Variants in AVEN observed in about 807,000 individuals in gnomAD.
AVEN encodes the protein cell death regulator Aven.
In AVEN, 41 loss-of-function variants were observed where a neutral mutation model predicts 38.1. That is an observed-to-expected ratio of 1.08 (90% CI 0.84 to 1.40). AVEN has a LOEUF of 1.40. AVEN is among the 40% of genes most tolerant of loss of function. The pLI, the probability that AVEN is intolerant of heterozygous loss-of-function variation, is 0.00. For missense variants in AVEN, 605 were observed against 438.8 expected, an observed-to-expected ratio of 1.38 and a Z score of -3.38; for synonymous variants, 206 against 171.8, an observed-to-expected ratio of 1.20 and a Z score of -1.56.
intron 2 of AVEN, among the ~76,000 whole-genome samples, chr15:33,923,328 A>G (rs1195449423): frequency 6.6e-6 from 1 of 152,246 alleles, no homozygotes; most frequent in East Asian, 1.9e-4. Flanking sequence ...TAATAATCAT[A>G]TGTAACCTTA....
In AVEN at chr15:33,904,714, T is replaced by TACACACAC. The variant is rs201939919; in HGVS notation, c.446-28720_446-28719insGTGTGTGT. On this transcript the variant is annotated intron_variant, in intron 2 of 5. Coordinates refer to ENST00000306730, the MANE Select transcript of AVEN (RefSeq NM_020371.3). ...AAAAAAATATATATATATATATATA[T>TACACACAC]ATACACACACACACGAATATGCACG... Among the ~76,000 whole-genome samples the TACACACAC allele has an allele frequency of 6.0e-3, 850 of 142,686 alleles. 45 individuals are homozygous for TACACACAC. The East Asian group carries it at 0.14, about 23-fold the overall frequency. The allele number at this position is 142,686 out of a possible 152,430, so 93.6% of individuals were successfully genotyped here.
intron 2 of AVEN, among the ~76,000 whole-genome samples, chr15:33,911,011 G>A (rs1338799622): frequency 6.6e-6 from 1 of 152,156 alleles, no homozygotes; most frequent in Non-Finnish European, 1.5e-5. Context: ...TCAACATTGG[G>A]TTGGGAGAGA....
At chr15:34,010,869 A>T (rs1308014342) in intron 1 of AVEN, among the ~76,000 whole-genome samples, 1 of 152,210 alleles carries the variant, frequency 6.6e-6, no homozygotes, top group Non-Finnish European at 1.5e-5. Context: ...CAACTTTTAT[A>T]TTTGTAAACC....
intron 5 of AVEN, among the ~76,000 whole-genome samples, chr15:34,049,472 T>C (rs1899849872): frequency 6.6e-6 from 1 of 152,180 alleles, no homozygotes; most frequent in Non-Finnish European, 1.5e-5. Context: ...GAAGACTATT[T>C]TTCTGAAATA....
chr15:33,855,977 G>A (rs1368216064), downstream of AVEN: 1 of 152,150 alleles, frequency 6.6e-6, no homozygotes, highest in Non-Finnish European at 1.5e-5. Context: ...TACGGGAGAG[G>A]GAGAAAAGAC....
intron 3 of AVEN, among the ~76,000 whole-genome samples, chr15:33,874,074 A>G (rs1777056050): frequency 6.6e-6 from 1 of 152,262 alleles, no homozygotes; most frequent in Non-Finnish European, 1.5e-5. Flanking sequence ...CTGAAGTTAG[A>G]TCTAACCATT....
intron 1 of AVEN, among the ~76,000 whole-genome samples, chr15:34,006,610 G>A (rs1037769589): frequency 2.6e-5 from 4 of 152,158 alleles, no homozygotes; most frequent in African/African-American, 9.7e-5. Context: ...ATGGAAAGTG[G>A]GAGACCTAAA....
At chr15:33,919,427 G>A (rs1661632355) in intron 2 of AVEN, among the ~76,000 whole-genome samples, 1 of 152,068 alleles carries the variant, frequency 6.6e-6, no homozygotes, top group Non-Finnish European at 1.5e-5. Flanking sequence ...ATGCAACTTT[G>A]GTGTATATCA....
chr15:34,007,520 A>T (rs966127616), intron 1 of AVEN, among the ~76,000 whole-genome samples: 8 of 152,152 alleles, frequency 5.3e-5, no homozygotes, highest in African/African-American at 1.9e-4. Flanking sequence ...GTCGCCTTTA[A>T]TGTCCATATT....
At chr15:33,925,083 T>C (rs1419782700) in intron 2 of AVEN, among the ~76,000 whole-genome samples, 1 of 152,238 alleles carries the variant, frequency 6.6e-6, no homozygotes, top group African/African-American at 2.4e-5. Flanking sequence ...TCATTCTTTA[T>C]TAAACTCTGT....
intron 2 of AVEN, among the ~76,000 whole-genome samples, chr15:33,981,644 G>T (rs944230235): frequency 2.0e-5 from 3 of 152,098 alleles, no homozygotes; most frequent in Non-Finnish European, 4.4e-5. Flanking sequence ...ATGGGTTTTG[G>T]AATCAGATTG....
downstream of AVEN, chr15:33,864,079 C>T (rs115145053): frequency 9.3e-5 from 118 of 1,275,392 alleles, no homozygotes; most frequent in African/African-American, 9.1e-4. Flanking sequence ...ACAGTTAATC[C>T]ATGCGAATGA....
chr15:34,013,866 T>C (rs1287902440), intron 1 of AVEN, among the ~76,000 whole-genome samples: 1 of 152,140 alleles, frequency 6.6e-6, no homozygotes, highest in Admixed American at 6.5e-5. Context: ...AGTTCTGCTC[T>C]AGATGTAGAC....
intron 2 of AVEN, among the ~76,000 whole-genome samples, chr15:33,899,848 G>T (rs113135602): frequency 1.3e-3 from 201 of 151,962 alleles, no homozygotes; most frequent in African/African-American, 4.6e-3. Flanking sequence ...ATTCTCTTAG[G>T]TAATTCTTCC....
intron 2 of AVEN, among the ~76,000 whole-genome samples, chr15:33,984,850 T>C (rs1896355068): frequency 6.6e-6 from 1 of 152,038 alleles, no homozygotes; most frequent in Non-Finnish European, 1.5e-5. Context: ...CAAATAACAG[T>C]TCATTCACTC....
intron 1 of AVEN, among the ~76,000 whole-genome samples, chr15:34,029,840 A>C (rs772741732): frequency 1.1e-3 from 167 of 152,344 alleles, no homozygotes; most frequent in Non-Finnish European, 1.5e-3. Context: ...AATATTGAAC[A>C]GAGACACTCT....
chr15:33,993,187 T>C (rs1400088520), intron 2 of AVEN, among the ~76,000 whole-genome samples: 1 of 152,210 alleles, frequency 6.6e-6, no homozygotes, highest in Admixed American at 6.5e-5. Flanking sequence ...AAATTTCTCA[T>C]AGATCTTACT....
intron 1 of AVEN, among the ~76,000 whole-genome samples, chr15:34,014,969 G>A (rs747068960): frequency 6.6e-6 from 1 of 152,272 alleles, no homozygotes. Flanking sequence ...CCGGATTTGA[G>A]AAGCAGGGAC....
upstream of AVEN, among the ~76,000 whole-genome samples, chr15:34,042,648 C>T (rs1361141566): frequency 1.3e-5 from 2 of 151,934 alleles, no homozygotes; most frequent in Non-Finnish European, 2.9e-5. Context: ...GGTGATCCAT[C>T]CGCCTCAGCC....
Sources: allele counts gnomAD v4.1 joint callset (sites outside exome capture counted in the v4.1 genomes callset), GRCh38; gene constraint gnomAD v4.1.1; transcripts MANE v1.5; gene names NCBI Gene and HGNC (gene_info 2026-07-23, HGNC 2026-07-21).